The following GLYATL1 variants were observed in gnomAD, a reference collection of about 807,000 sequenced individuals.
GLYATL1 encodes the protein glycine N-acyltransferase-like protein 1.
In GLYATL1, 15 loss-of-function variants were observed where a neutral mutation model predicts 20.0. The observed-to-expected ratio is 0.75, with a 90% CI of 0.50 to 1.15. GLYATL1 has a LOEUF of 1.15. Ranked by LOEUF, GLYATL1 falls within the 50% of genes most tolerant of loss-of-function variation. The pLI is 0.00. For missense variants in GLYATL1, 380 were observed against 368.5 expected, an observed-to-expected ratio of 1.03 and a Z score of -0.26; for synonymous variants, 151 against 131.5, an observed-to-expected ratio of 1.15 and a Z score of -1.01.
intron 4 of GLYATL1, among the ~76,000 whole-genome samples, 177 bp from the exon 5 acceptor site, chr11:58,954,593 G>A (rs746017826): frequency 3.9e-5 from 6 of 152,188 alleles, no homozygotes; most frequent in Non-Finnish European, 8.8e-5. Flanking sequence ...AGTTACACAG[G>A]TAAGAGGTCA....
intron 4 of GLYATL1, among the ~76,000 whole-genome samples, chr11:58,953,584 T>C (rs1278571399): frequency 6.6e-6 from 1 of 152,106 alleles, no homozygotes; most frequent in Non-Finnish European, 1.5e-5. Context: ...TTACAAATTG[T>C]TCCATTTGTT....
rs572434532 is a variant in GLYATL1 at position 58,915,891 on chromosome 11, C to T, written n.264+10230C>T. Among the ~76,000 whole-genome samples the T allele has an allele frequency of 2.7e-5, 4 of 149,796 alleles. No individual in the cohort carries two copies. In the East Asian group the frequency reaches 8.0e-4, roughly 30 times the overall value. On this transcript the variant is annotated intron_variant and non_coding_transcript_variant, in intron 1 of 2. Coordinates refer to the GLYATL1 transcript ENST00000534674. ...TGGGAGATGCACACACAATTGTAACCGTCCCTCTTTCTCACTCTAGAGGGA... is the reference window on the plus strand; with the variant it reads ...TGGGAGATGCACACACAATTGTAACTGTCCCTCTTTCTCACTCTAGAGGGA...
intron 1 of GLYATL1, chr11:58,927,880 G>A (rs571016998): frequency 1.3e-5 from 2 of 152,362 alleles, no homozygotes; most frequent in South Asian, 2.1e-4. Context: ...TTAGGGCCCA[G>A]GGAAGACGAG....
At chr11:58,935,817 G>A (rs572035118), upstream of GLYATL1, 43 of 152,212 alleles carry the variant, frequency 2.8e-4, no homozygotes, top group African/African-American at 1.0e-3. Context: ...TGATGAATAT[G>A]TTTATGGCTT....
Position 58,956,120 on chromosome 11 carries a change from G to A in GLYATL1, c.*93G>A. On this transcript the variant is annotated 3_prime_UTR_variant, in exon 7 of 7. Coordinates refer to ENST00000532726, the MANE Select transcript of GLYATL1 (RefSeq NM_001389712.2). ...ATTTCTTCACTTACAAATGCATATT[G>A]GGCACTTATAATACAGCAGGAACTC... The A allele has an allele frequency of 8.9e-7, 1 of 1,126,706 alleles. No individual in the cohort carries two copies. The highest frequency in any genetic ancestry group is 1.3e-6 in the Non-Finnish European group (1 of 775,988). 69.8% of individuals were successfully genotyped at this position (1,126,706 alleles called of 1,614,324 possible).
At chr11:58,944,318 G>C (rs1274293329) in intron 2 of GLYATL1, among the ~76,000 whole-genome samples, 2 of 152,162 alleles carry the variant, frequency 1.3e-5, no homozygotes, top group Admixed American at 1.3e-4. Context: ...TGCACTCTTT[G>C]TTGACTGCTG....
At position 58,948,067 on chromosome 11, in the gene GLYATL1, CGTGA is replaced by C. The variant is rs1280123429; in HGVS notation, c.186+105_186+108del. 1.2e-5 allele frequency: 9 copies of C among 761,188 alleles called. No homozygotes were observed. The African/African-American group carries it at 1.5e-4, about 13-fold the overall frequency. 47.2% of individuals were successfully genotyped at this position (761,188 alleles called of 1,614,324 possible). On this transcript the variant is annotated intron_variant, in intron 4 of 6. Coordinates refer to ENST00000532726, the MANE Select transcript of GLYATL1 (RefSeq NM_001389712.2). ...GCTGCTTTTATAGGGTGAAAGGAAA[CGTGA>C]GTATTTTAAAACACTCCTTCAGTAC...
At chr11:58,932,837 G>A (rs1237190941) in intron 1 of GLYATL1, among the ~76,000 whole-genome samples, 1 of 152,176 alleles carries the variant, frequency 6.6e-6, no homozygotes, top group Non-Finnish European at 1.5e-5. Flanking sequence ...AGACTTAGTG[G>A]TTGTCCTTGA....
At chr11:58,907,743 C>A in exon 2 of GLYATL1, 1 of 204,884 alleles carries the variant, frequency 4.9e-6, no homozygotes, top group South Asian at 8.3e-5. Context: ...TTTTTACATT[C>A]CTATCAATAT....
intron 1 of GLYATL1, among the ~76,000 whole-genome samples, chr11:58,929,620 C>G (rs1311067121): frequency 6.6e-6 from 1 of 152,130 alleles, no homozygotes; most frequent in Non-Finnish European, 1.5e-5. Context: ...CTAGGTCTGA[C>G]AGGAACAGCA....
intron 2 of GLYATL1, 88 bp from the exon 3 acceptor site, chr11:58,946,958 A>C (rs1012563602): frequency 1.1e-6 from 1 of 911,432 alleles, no homozygotes; most frequent in African/African-American, 1.6e-5. Flanking sequence ...TACCTACATC[A>C]CGAGTGTTAC....
intron 1 of GLYATL1, among the ~76,000 whole-genome samples, chr11:58,941,053 A>G (rs1357755250): frequency 6.6e-6 from 1 of 151,864 alleles, no homozygotes; most frequent in African/African-American, 2.4e-5. Flanking sequence ...TTTTATTATT[A>G]TTACACTTTA....
At chr11:58,931,330 A>T (rs1383013682) in intron 1 of GLYATL1, among the ~76,000 whole-genome samples, 1 of 152,148 alleles carries the variant, frequency 6.6e-6, no homozygotes, top group Non-Finnish European at 1.5e-5. Flanking sequence ...ATCACATTTT[A>T]ACTAAGTTTA....
At chr11:58,955,044 C>A in intron 5 of GLYATL1, 132 bp from the exon 6 acceptor site, 2 of 1,213,420 alleles carry the variant, frequency 1.6e-6, no homozygotes, top group Non-Finnish European at 2.3e-6. Flanking sequence ...TGTGGTGTGA[C>A]AAGGACTCCA....
intron 1 of GLYATL1, among the ~76,000 whole-genome samples, chr11:58,918,953 T>G (rs1302723484): frequency 6.6e-6 from 1 of 152,196 alleles, no homozygotes; most frequent in South Asian, 2.1e-4. Flanking sequence ...GGGCTGCTAG[T>G]TTCAGCTAAC....
In GLYATL1 at chr11:58,955,642, A is replaced by G. The variant is rs1282335659; in HGVS notation, c.524A>G (p.Asp175Gly). The G allele has an allele frequency of 6.2e-7, 1 of 1,614,132 alleles. No homozygotes were observed. The highest frequency in any genetic ancestry group is 8.5e-7 in the Non-Finnish European group (1 of 1,180,006). ...CCCAACTTTAAGTATGCCCAGCTGG[A>G]TGTCTCTTATTCTGGGCTGGTAAAT... ...ETPNFKYAQL[D>G]VSYSGLVNDN... The change falls in exon 7 of 7, where the codon GAT becomes GGT. Residue 175 changes from aspartate (D) to glycine (G), a missense_variant. Transcript: ENST00000532726.
downstream of GLYATL1, among the ~76,000 whole-genome samples, chr11:58,912,765 T>C (rs905539724): frequency 6.7e-6 from 1 of 149,970 alleles, no homozygotes; most frequent in Non-Finnish European, 1.5e-5. Flanking sequence ...GTCAGCAAAC[T>C]TTATTGACCA....
chr11:58,941,680 A>T (rs1040190883), intron 1 of GLYATL1, among the ~76,000 whole-genome samples: 2 of 152,196 alleles, frequency 1.3e-5, no homozygotes, highest in African/African-American at 4.8e-5. Flanking sequence ...TAATAAGAAA[A>T]CAGAATGCAG....
At chr11:58,909,227 T>A (rs1049603948), downstream of GLYATL1, among the ~76,000 whole-genome samples, 2 of 152,172 alleles carry the variant, frequency 1.3e-5, no homozygotes. Flanking sequence ...GAAGTGGTTG[T>A]CAGGGGCTGG....
Sources: gnomAD v4.1 joint callset for allele counts (sites outside exome capture counted in the v4.1 genomes callset) on GRCh38, gnomAD v4.1.1 for gene constraint, MANE v1.5 for transcripts, NCBI Gene and HGNC (gene_info 2026-07-23, HGNC 2026-07-21) for gene names.